RAB11FIP3: variants seen among roughly 807,000 people sequenced by gnomAD.
RAB11FIP3 encodes RAB11 family interacting protein 3, also known as rab11 family-interacting protein 3.
In RAB11FIP3, 17 loss-of-function variants were observed where a neutral mutation model predicts 77.8. The observed-to-expected ratio is 0.22, with a 90% CI of 0.15 to 0.33. The LOEUF is 0.33. Among genes scored for constraint, RAB11FIP3 ranks in the 10% least tolerant of loss-of-function variants. The pLI, the probability that RAB11FIP3 is intolerant of heterozygous loss-of-function variation, is 1.00. For missense variants in RAB11FIP3, 1,005 were observed against 1,011.2 expected, an observed-to-expected ratio of 0.99 and a Z score of 0.08; for synonymous variants, 437 against 448.2, an observed-to-expected ratio of 0.98 and a Z score of 0.31.
chr16:462,936 C>T (rs950218723), intron 2 of RAB11FIP3, among the ~76,000 whole-genome samples: 8 of 152,186 alleles, frequency 5.3e-5, no homozygotes, highest in African/African-American at 1.7e-4. Context: ...CGATCCGTTG[C>T]GTGCTTGTGC....
intron 3 of RAB11FIP3, among the ~76,000 whole-genome samples, chr16:475,978 C>A (rs1300718667): frequency 6.6e-6 from 1 of 152,206 alleles, no homozygotes; most frequent in Non-Finnish European, 1.5e-5. Flanking sequence ...GCCTCAGCCT[C>A]CTGAGTAGCT....
intron 1 of RAB11FIP3, among the ~76,000 whole-genome samples, chr16:450,639 C>T (rs372284981): frequency 6.6e-6 from 1 of 152,168 alleles, no homozygotes; most frequent in African/African-American, 2.4e-5. Flanking sequence ...ATGAGGGCCC[C>T]ACTTCTCTTT....
chr16:428,218 C>A (rs1041907277), intron 1 of RAB11FIP3, among the ~76,000 whole-genome samples: 1 of 152,114 alleles, frequency 6.6e-6, no homozygotes, highest in Non-Finnish European at 1.5e-5. Flanking sequence ...CTGCAATGCT[C>A]GCAAGCTTAG....
chr16:494,596 T>G (rs1488501454), intron 5 of RAB11FIP3, among the ~76,000 whole-genome samples: 2 of 151,888 alleles, frequency 1.3e-5, no homozygotes, highest in Non-Finnish European at 2.9e-5. Context: ...CACTCCAGCC[T>G]GGGTGACACA....
chr16:450,950 C>T (rs2141613197), intron 1 of RAB11FIP3, among the ~76,000 whole-genome samples: 1 of 151,712 alleles, frequency 6.6e-6, no homozygotes, highest in South Asian at 2.1e-4. Flanking sequence ...CCGCGGCCTT[C>T]TGTTACCGCA....
intron 1 of RAB11FIP3, among the ~76,000 whole-genome samples, chr16:435,013 A>T (rs2141847690): frequency 6.6e-6 from 1 of 152,202 alleles, no homozygotes; most frequent in East Asian, 1.9e-4. Context: ...AGACTAGCCT[A>T]ACCAACATGG....
chr16:502,178 C>T (rs1003146373), intron 6 of RAB11FIP3, among the ~76,000 whole-genome samples: 3 of 152,264 alleles, frequency 2.0e-5, no homozygotes, highest in South Asian at 2.1e-4. Flanking sequence ...TCTGTACTCC[C>T]GGCAAGTTTG....
intron 3 of RAB11FIP3, among the ~76,000 whole-genome samples, chr16:479,055 C>T (rs1443820702): frequency 2.6e-5 from 4 of 152,142 alleles, no homozygotes; most frequent in African/African-American, 9.7e-5. Flanking sequence ...CAAATATTTA[C>T]TATCTACCTA....
At position 495,713 on chromosome 16, in the gene RAB11FIP3, G is replaced by A. The variant is rs549156257; in HGVS notation, c.1266-1111G>A. 8.9e-4 allele frequency among the ~76,000 whole-genome samples: 135 copies of A among 152,302 alleles called. No individual in the cohort carries two copies. In the South Asian group the frequency reaches 0.015, roughly 17 times the overall value. ...TGGACTTAGAGCTGAGGGGCTCTAC[G>A]TTAATACCTGGCACAGCAGCTGATT... is the stretch of plus-strand genomic sequence containing the variant. On this transcript the variant is annotated intron_variant, in intron 5 of 13. Transcript: ENST00000262305.
chr16:448,521 G>C (rs1010253868), intron 1 of RAB11FIP3, among the ~76,000 whole-genome samples: 1 of 152,080 alleles, frequency 6.6e-6, no homozygotes, highest in Admixed American at 6.6e-5. Flanking sequence ...TGGATCACGA[G>C]GTCAGGAGAT....
At position 461,854 on chromosome 16, in the gene RAB11FIP3, C is replaced by T. The variant is rs1301516879; in HGVS notation, c.808+357C>T. On this transcript the variant is annotated intron_variant, in intron 2 of 13. Coordinates refer to ENST00000262305, the MANE Select transcript of RAB11FIP3 (RefSeq NM_014700.4). The surrounding 1 kb of genome is among the most constrained non-coding windows in gnomAD (Gnocchi z 4.5). ...CCGTGCTCTGCAGGCAGCACTTCGTCGCACTCTCTCCCCACGTCTCTGTCC... is the reference window on the plus strand; with the variant it reads ...CCGTGCTCTGCAGGCAGCACTTCGTTGCACTCTCTCCCCACGTCTCTGTCC... Among the ~76,000 whole-genome samples, 1 of 152,174 alleles carries T rather than the reference C, an allele frequency of 6.6e-6. No homozygotes were observed. Among genetic ancestry groups the T allele is most frequent in the Non-Finnish European group, 1.5e-5 (1 of 68,036 alleles).
chr16:518,872 G>A, intron 9 of RAB11FIP3, 71 bp from the exon 10 acceptor site: 2 of 1,525,454 alleles, frequency 1.3e-6, no homozygotes, highest in South Asian at 2.3e-5. Flanking sequence ...GTTTCCCTGA[G>A]ACACAGGGCA....
chr16:473,736 A>G (rs1039140683), intron 3 of RAB11FIP3, among the ~76,000 whole-genome samples: 1 of 152,006 alleles, frequency 6.6e-6, no homozygotes, highest in Admixed American at 6.6e-5. Context: ...CACCGCACCC[A>G]GCCTGATATG....
intron 3 of RAB11FIP3, among the ~76,000 whole-genome samples, chr16:477,232 C>T (rs1297249355): frequency 6.6e-6 from 1 of 152,020 alleles, no homozygotes; most frequent in Non-Finnish European, 1.5e-5. Flanking sequence ...CCAGCCTCGG[C>T]GACAAGAGCG....
Position 492,107 on chromosome 16 carries a change from C to G in RAB11FIP3, c.1265+3107C>G, listed in dbSNP as rs568996496. On this transcript the variant is annotated intron_variant, in intron 5 of 13. Transcript: ENST00000262305. ...GCCCTGTCCCTGCCCCAGGGGGCTTCTGCCGAGGCACATCCTTGCTGGCGG... is the reference window on the plus strand; with the variant it reads ...GCCCTGTCCCTGCCCCAGGGGGCTTGTGCCGAGGCACATCCTTGCTGGCGG... Among the ~76,000 whole-genome samples, 26 of 152,366 alleles carry G rather than the reference C, an allele frequency of 1.7e-4. 1 individual carries two copies. In the East Asian group the frequency reaches 2.3e-3, roughly 14 times the overall value.
intron 1 of RAB11FIP3, among the ~76,000 whole-genome samples, chr16:434,683 G>T (rs1410663008): frequency 6.6e-6 from 1 of 152,056 alleles, no homozygotes; most frequent in Non-Finnish European, 1.5e-5. Flanking sequence ...CTCCCAAAGT[G>T]CTAGGATTAC....
Position 488,925 on chromosome 16 carries a change from G to T in RAB11FIP3, c.1190G>T (p.Ser397Ile), listed in dbSNP as rs1423028241. ...EEHFEDYGEGSEAELSPETLC... is the reference protein window; with the variant it reads ...EEHFEDYGEGIEAELSPETLC... Reference sequence around the variant, plus strand: ...CACTTTGAGGACTACGGTGAAGGCAGTGAGGCGGAGCTGTCCCCAGAGACC... The same window carrying T: ...CACTTTGAGGACTACGGTGAAGGCATTGAGGCGGAGCTGTCCCCAGAGACC... Residue 397 changes from serine (S) to isoleucine (I), a missense_variant, in exon 5 of 14, where the codon AGT becomes ATT. Coordinates refer to ENST00000262305, the MANE Select transcript of RAB11FIP3 (RefSeq NM_014700.4). The T allele has an allele frequency of 6.2e-7, 1 of 1,614,126 alleles. No homozygotes were observed. Among genetic ancestry groups the T allele is most frequent in the Non-Finnish European group, 8.5e-7 (1 of 1,180,022 alleles).
intron 9 of RAB11FIP3, among the ~76,000 whole-genome samples, chr16:518,031 G>A (rs1358279278): frequency 6.6e-6 from 1 of 152,160 alleles, no homozygotes; most frequent in African/African-American, 2.4e-5. Flanking sequence ...GCAGTGAGCC[G>A]AGATGGTGCC....
intron 6 of RAB11FIP3, among the ~76,000 whole-genome samples, chr16:502,243 G>A (rs576251012): frequency 2.6e-5 from 4 of 152,384 alleles, no homozygotes; most frequent in Admixed American, 1.3e-4. Flanking sequence ...ACAAGCACGC[G>A]CTTACTGCGC....
Sources: allele counts gnomAD v4.1 joint callset (sites outside exome capture counted in the v4.1 genomes callset), GRCh38; gene constraint gnomAD v4.1.1; non-coding constraint Gnocchi (gnomAD v3.1); transcripts MANE v1.5; gene names NCBI Gene and HGNC (gene_info 2026-07-23, HGNC 2026-07-21).